Variants in STAU2 observed in about 807,000 individuals in gnomAD.
STAU2 encodes double-stranded RNA-binding protein Staufen homolog 2.
A neutral mutation model predicts 65.9 loss-of-function variants in STAU2; 20 were observed. That is an observed-to-expected ratio of 0.30 (90% confidence interval 0.21 to 0.44). The LOEUF (loss-of-function observed/expected upper bound fraction) is 0.44. STAU2 is among the 20% of genes least tolerant of loss of function. STAU2 has a pLI of 1.00. For synonymous variants in STAU2, 232 were observed against 233.9 expected (o/e 0.99, Z 0.07); for missense variants, 558 against 683.9 (o/e 0.82, Z 2.05).
At chr8:73,560,233 A>G (rs1808121903) in intron 12 of STAU2, among the ~76,000 whole-genome samples, 1 of 151,936 alleles carries the variant, frequency 6.6e-6, no homozygotes, top group African/African-American at 2.4e-5. Context: ...GGCTCCCACC[A>G]CCATGCCTGG....
intron 13 of STAU2, among the ~76,000 whole-genome samples, chr8:73,468,879 T>C (rs1819811549): frequency 6.6e-6 from 1 of 152,194 alleles, no homozygotes; most frequent in East Asian, 1.9e-4. Flanking sequence ...AGTTCAACCA[T>C]TGTGGAAGAC....
intron 4 of STAU2, among the ~76,000 whole-genome samples, chr8:73,693,090 G>A (rs1004655268): frequency 1.3e-5 from 2 of 152,122 alleles, no homozygotes; most frequent in Admixed American, 6.5e-5. Flanking sequence ...GAGCCCAGGA[G>A]ATGAACGCTG....
chr8:73,435,816 G>T (rs1256859240), intron 13 of STAU2, among the ~76,000 whole-genome samples: 1 of 151,888 alleles, frequency 6.6e-6, no homozygotes, highest in Non-Finnish European at 1.5e-5. Flanking sequence ...TTATCTGGGA[G>T]GACTCCACAA....
At chr8:73,693,157 T>C (rs1819461714) in intron 4 of STAU2, among the ~76,000 whole-genome samples, 1 of 150,734 alleles carries the variant, frequency 6.6e-6, no homozygotes, top group African/African-American at 2.4e-5. Flanking sequence ...CAAGACCCTA[T>C]CTCGGAAACA....
At chr8:73,662,156 T>C (rs990141731) in intron 6 of STAU2, among the ~76,000 whole-genome samples, 3 of 152,360 alleles carry the variant, frequency 2.0e-5, no homozygotes, top group Middle Eastern at 6.8e-3. Flanking sequence ...CTAATCACTT[T>C]GAGCATCTTT....
chr8:73,612,475 A>G (rs1449122788), intron 9 of STAU2, among the ~76,000 whole-genome samples: 1 of 152,148 alleles, frequency 6.6e-6, no homozygotes, highest in African/African-American at 2.4e-5. Context: ...GTGTAGGAGG[A>G]GCATATGAAT....
At chr8:73,452,023 G>GGAGCAAGGCA (rs1353312957) in intron 13 of STAU2, among the ~76,000 whole-genome samples, 1 of 152,192 alleles carries the variant, frequency 6.6e-6, no homozygotes, top group African/African-American at 2.4e-5. Flanking sequence ...GATACAGCCT[G>GGAGCAAGGCA]GAGCAAGGCA....
chr8:73,710,747 A>G (rs1820835251), intron 3 of STAU2, among the ~76,000 whole-genome samples: 1 of 152,018 alleles, frequency 6.6e-6, no homozygotes, highest in Non-Finnish European at 1.5e-5. Flanking sequence ...ATGCCAAAAT[A>G]TATTTTAAAA....
intron 3 of STAU2, among the ~76,000 whole-genome samples, chr8:73,709,893 TATA>T (rs1820771848): frequency 6.6e-6 from 1 of 152,114 alleles, no homozygotes; most frequent in South Asian, 2.1e-4. Context: ...ATTATAGCAT[TATA>T]ATAAACATTC....
chr8:73,477,697 T>A (rs1820390914), intron 13 of STAU2, among the ~76,000 whole-genome samples: 1 of 152,134 alleles, frequency 6.6e-6, no homozygotes, highest in South Asian at 2.1e-4. Flanking sequence ...TACAGAGGGA[T>A]ACCAGGAGGG....
intron 4 of STAU2, among the ~76,000 whole-genome samples, chr8:73,707,011 T>C (rs1391024986): frequency 6.6e-6 from 1 of 152,156 alleles, no homozygotes; most frequent in Non-Finnish European, 1.5e-5. Context: ...ATATAGAGGA[T>C]AGGGATGATG....
rs1818742340 is a variant in STAU2, at chr8:73,450,458, GTCCAA to G, written c.1531-27761_1531-27757del. On this transcript the variant is annotated intron_variant, in intron 13 of 14. Transcript: ENST00000524300. ...AAAGCCACGGATGAGATGAGGTGGA[GTCCAA>G]GGAGAGGAAACTAAAGACTCATTTT... Among the ~76,000 whole-genome samples the G allele has an allele frequency of 6.6e-5, 10 of 152,312 alleles. No individual in the cohort carries two copies. In the South Asian group the frequency reaches 1.7e-3, roughly 25 times the overall value.
intron 3 of STAU2, among the ~76,000 whole-genome samples, chr8:73,719,644 C>T (rs180942905): frequency 3.0e-4 from 46 of 152,290 alleles, no homozygotes; most frequent in African/African-American, 1.1e-3. Flanking sequence ...ACTAAACCAA[C>T]CCCACATTCC....
intron 13 of STAU2, among the ~76,000 whole-genome samples, chr8:73,547,117 T>C (rs569361875): frequency 6.6e-6 from 1 of 152,346 alleles, no homozygotes; most frequent in South Asian, 2.1e-4. Context: ...AAAGTTTCTT[T>C]GGTTGGAAAA....
intron 6 of STAU2, among the ~76,000 whole-genome samples, chr8:73,665,178 C>CTAATTTAACATTAATGTTAA (rs998104194): frequency 9.9e-5 from 15 of 152,002 alleles, no homozygotes; most frequent in African/African-American, 2.7e-4. Flanking sequence ...AAAAAAAATC[C>CTAATTTAACATTAATGTTAA]TAATTTAACA....
At chr8:73,620,646 T>C (rs1217417044) in intron 6 of STAU2, among the ~76,000 whole-genome samples, 2 of 152,206 alleles carry the variant, frequency 1.3e-5, no homozygotes, top group Non-Finnish European at 1.5e-5. Flanking sequence ...CATGTGGATA[T>C]ATATGTATAT....
At chr8:73,470,641 A>T (rs573535538) in intron 13 of STAU2, among the ~76,000 whole-genome samples, 419 of 151,702 alleles carry the variant, frequency 2.8e-3, no homozygotes, top group African/African-American at 8.9e-3. Flanking sequence ...CTACAAAAAA[A>T]ATTTTTTTTT....
At chr8:73,613,983 T>C in intron 8 of STAU2, 27 bp from the exon 9 acceptor site, 1 of 1,528,982 alleles carries the variant, frequency 6.5e-7, no homozygotes, top group Middle Eastern at 1.9e-4. Context: ...AAATATTAAA[T>C]AATGGATAGG....
intron 11 of STAU2, among the ~76,000 whole-genome samples, chr8:73,586,156 A>T (rs1810351684): frequency 1.3e-5 from 2 of 152,216 alleles, no homozygotes; most frequent in Non-Finnish European, 2.9e-5. Context: ...AAGCAGATGA[A>T]GAAGTTGTAG....
Sources: gnomAD v4.1 joint callset for allele counts (sites outside exome capture counted in the v4.1 genomes callset) on GRCh38, gnomAD v4.1.1 for gene constraint, MANE v1.5 for transcripts, NCBI Gene and HGNC (gene_info 2026-07-23, HGNC 2026-07-21) for gene names.